The following ARHGAP24 variants were observed in gnomAD, a reference collection of about 807,000 sequenced individuals.
ARHGAP24 encodes the protein rho GTPase-activating protein 24.
Under a neutral mutation model 76.4 loss-of-function variants are expected in ARHGAP24, and 50 were observed. That is an observed-to-expected ratio of 0.65 (90% CI 0.52 to 0.83). The LOEUF (loss-of-function observed/expected upper bound fraction) is 0.83. Among genes scored for constraint, ARHGAP24 ranks in the 40% least tolerant of loss-of-function variants. The pLI, the probability that ARHGAP24 is intolerant of heterozygous loss-of-function variation, is 0.00. For synonymous variants in ARHGAP24, 345 were observed against 323.3 expected (o/e 1.07, Z -0.72); for missense variants, 930 against 914.2 (o/e 1.02, Z -0.22).
intron 3 of ARHGAP24, among the ~76,000 whole-genome samples, chr4:85,796,553 G>A (rs900821972): frequency 6.6e-6 from 1 of 152,120 alleles, no homozygotes; most frequent in African/African-American, 2.4e-5. Flanking sequence ...GTATCAATCT[G>A]GGTCCAATCA....
chr4:85,764,662 G>T (rs1196241946), intron 3 of ARHGAP24, among the ~76,000 whole-genome samples: 1 of 151,922 alleles, frequency 6.6e-6, no homozygotes. Context: ...TGAATACAGA[G>T]GAGAAACCAA....
At chr4:85,622,196 A>G (rs1392881433) in intron 2 of ARHGAP24, among the ~76,000 whole-genome samples, 3 of 151,650 alleles carry the variant, frequency 2.0e-5, no homozygotes, top group Non-Finnish European at 4.4e-5. Flanking sequence ...TGCTGCACCC[A>G]CTAACTTGTC....
At chr4:85,993,108 A>G (rs905973238) in intron 8 of ARHGAP24, among the ~76,000 whole-genome samples, 2 of 152,136 alleles carry the variant, frequency 1.3e-5, no homozygotes, top group African/African-American at 4.8e-5. Flanking sequence ...AATTTGGAAG[A>G]TATAAGGGAA....
At chr4:85,975,035 C>A in intron 7 of ARHGAP24, 74 bp downstream of exon 7, 1 of 1,330,568 alleles carries the variant, frequency 7.5e-7, no homozygotes, top group Non-Finnish European at 1.1e-6. Flanking sequence ...TGTTTGACAA[C>A]GAATAAAATC....
intron 2 of ARHGAP24, among the ~76,000 whole-genome samples, chr4:85,592,613 C>T (rs1056580753): frequency 4.6e-5 from 7 of 152,104 alleles, no homozygotes; most frequent in African/African-American, 1.7e-4. Context: ...ACACATTAAC[C>T]ATCTCCACTT....
chr4:85,719,379 G>A (rs999228860), intron 2 of ARHGAP24, among the ~76,000 whole-genome samples: 1 of 152,100 alleles, frequency 6.6e-6, no homozygotes, highest in African/African-American at 2.4e-5. Context: ...GTAAGGCATG[G>A]GGGGAGAGGA....
At chr4:85,774,713 C>G (rs1727248041) in intron 3 of ARHGAP24, among the ~76,000 whole-genome samples, 2 of 152,146 alleles carry the variant, frequency 1.3e-5, no homozygotes, top group African/African-American at 4.8e-5. Context: ...ACTTAGGGCC[C>G]AGCTGGGGCT....
At chr4:85,724,530 G>T (rs13111706) in intron 3 of ARHGAP24, among the ~76,000 whole-genome samples, 18 of 85,522 alleles carry the variant, frequency 2.1e-4, no homozygotes, top group East Asian at 1.2e-3. Flanking sequence ...TATATATATA[G>T]GAATTTTTAT....
chr4:85,714,839 T>C (rs1455997255), intron 2 of ARHGAP24, among the ~76,000 whole-genome samples: 1 of 152,144 alleles, frequency 6.6e-6, no homozygotes, highest in Non-Finnish European at 1.5e-5. Context: ...AAGAACTTGA[T>C]AACTATTTAT....
intron 2 of ARHGAP24, among the ~76,000 whole-genome samples, chr4:85,702,095 C>A (rs1172094712): frequency 6.6e-6 from 1 of 152,102 alleles, no homozygotes; most frequent in Admixed American, 6.6e-5. Context: ...GTGTGTCTCT[C>A]TTTTTCCTTT....
intron 2 of ARHGAP24, among the ~76,000 whole-genome samples, chr4:85,709,497 G>C (rs1724441774): frequency 6.6e-6 from 1 of 151,946 alleles, no homozygotes; most frequent in African/African-American, 2.4e-5. Context: ...ACAGTATCTT[G>C]TTAAAAAAAA....
chr4:85,739,015 C>T (rs1725711832), intron 3 of ARHGAP24, among the ~76,000 whole-genome samples: 1 of 152,224 alleles, frequency 6.6e-6, no homozygotes, highest in Non-Finnish European at 1.5e-5. Context: ...AGCCTGAGAA[C>T]ACCATGGATT....
At chr4:85,755,673 C>A (rs150921238) in intron 3 of ARHGAP24, among the ~76,000 whole-genome samples, 2,238 of 120,950 alleles carry the variant, frequency 0.019, 57 homozygotes, top group African/African-American at 0.061. Flanking sequence ...CGTTCTGTTG[C>A]CCAGGCTGGA....
chr4:85,700,910 C>G (rs1338604794), intron 2 of ARHGAP24, among the ~76,000 whole-genome samples: 1 of 152,078 alleles, frequency 6.6e-6, no homozygotes, highest in Non-Finnish European at 1.5e-5. Context: ...AAATATCTCT[C>G]TTTGTTTGTT....
At chr4:85,716,837 G>T (rs1227883555) in intron 2 of ARHGAP24, among the ~76,000 whole-genome samples, 4 of 152,154 alleles carry the variant, frequency 2.6e-5, no homozygotes, top group Non-Finnish European at 5.9e-5. Flanking sequence ...GGGGAAGCCG[G>T]TGACTTTAAG....
At chr4:85,916,493 G>A (rs1453656087) in intron 3 of ARHGAP24, among the ~76,000 whole-genome samples, 1 of 151,996 alleles carries the variant, frequency 6.6e-6, no homozygotes, top group Admixed American at 6.6e-5. Context: ...TAAAGTTGGG[G>A]AAAGTAATAC....
intron 3 of ARHGAP24, among the ~76,000 whole-genome samples, chr4:85,785,540 A>ATT (rs75874523): frequency 4.1e-4 from 63 of 151,970 alleles, no homozygotes; most frequent in East Asian, 3.5e-3. Context: ...AGTAAAACAG[A>ATT]TTTTTTTTCT....
chr4:85,751,417 T>C (rs555831422), intron 3 of ARHGAP24, among the ~76,000 whole-genome samples: 2 of 152,270 alleles, frequency 1.3e-5, no homozygotes, highest in African/African-American at 4.8e-5. Context: ...ATTATGAGTG[T>C]GTGTATTAAA....
chr4:85,977,562 C>T lies in ARHGAP24; in HGVS notation c.807-8C>T. ...ATTGTATTTCAATCATATGCTTATA[C>T]TCCATAGATTCTTGGATGAAGTACA... On this transcript the variant is annotated splice_polypyrimidine_tract_variant and splice_region_variant and intron_variant, in intron 7 of 9. Coordinates refer to ENST00000395184, the MANE Select transcript of ARHGAP24 (RefSeq NM_001025616.3). 1 of 1,612,866 alleles carries T rather than the reference C, an allele frequency of 6.2e-7. No individual in the cohort carries two copies. The highest frequency in any genetic ancestry group is 8.5e-7 in the Non-Finnish European group (1 of 1,179,230).
Sources: gnomAD v4.1 joint callset for allele counts (sites outside exome capture counted in the v4.1 genomes callset) on GRCh38, gnomAD v4.1.1 for gene constraint, MANE v1.5 for transcripts, NCBI Gene and HGNC (gene_info 2026-07-23, HGNC 2026-07-21) for gene names.